CDH13: variants seen among roughly 807,000 people sequenced by gnomAD.
CDH13 encodes the protein cadherin 13.
A neutral mutation model predicts 63.8 loss-of-function variants in CDH13; 24 were observed. The observed-to-expected ratio is 0.38, with a 90% CI of 0.27 to 0.53. The LOEUF (loss-of-function observed/expected upper bound fraction) is 0.53. Ranked by LOEUF, CDH13 falls within the 20% of genes least tolerant of loss-of-function variation. CDH13 has a pLI of 0.85. For missense variants in CDH13, 1,049 were observed against 903.1 expected (o/e 1.16, Z -2.07); for synonymous variants, 503 against 355.3 (o/e 1.42, Z -4.67).
At chr16:83,308,717 C>G (rs919423940) in intron 5 of CDH13, among the ~76,000 whole-genome samples, 3 of 152,154 alleles carry the variant, frequency 2.0e-5, no homozygotes, top group Admixed American at 2.0e-4. Flanking sequence ...TGGAAGGCTC[C>G]CCTCACCGCC....
At chr16:83,004,773 G>A (rs905410523) in intron 2 of CDH13, among the ~76,000 whole-genome samples, 1 of 152,174 alleles carries the variant, frequency 6.6e-6, no homozygotes, top group Non-Finnish European at 1.5e-5. Context: ...GATTACAGGA[G>A]TGAGCTACTG....
chr16:83,797,934 C>T lies in CDH13; in HGVS notation c.*2904C>T, dbSNP rs1000368893. On this transcript the variant is annotated 3_prime_UTR_variant, in exon 14 of 14. Transcript: ENST00000567109. ...CACATTTTCTAATTTCAATAAAAGT[C>T]ACCTTCAATACCGCCAGTTCTCTCC... The T allele has an allele frequency of 6.6e-6, 1 of 152,140 alleles. No homozygotes were observed. Among genetic ancestry groups the T allele is most frequent in the Non-Finnish European group, 1.5e-5 (1 of 68,028 alleles). 9.4% of individuals were successfully genotyped at this position (152,140 alleles called of 1,614,324 possible).
chr16:82,789,407 C>G (rs2036178801), intron 1 of CDH13, among the ~76,000 whole-genome samples: 1 of 152,196 alleles, frequency 6.6e-6, no homozygotes, highest in Non-Finnish European at 1.5e-5. Flanking sequence ...TGATACACAG[C>G]TCACCTTTGA....
intron 1 of CDH13, among the ~76,000 whole-genome samples, chr16:82,849,308 C>G (rs1356335575): frequency 1.3e-5 from 2 of 152,134 alleles, no homozygotes; most frequent in South Asian, 2.1e-4. Flanking sequence ...GCAACACCAT[C>G]CTGGTCAACA....
intron 8 of CDH13, among the ~76,000 whole-genome samples, chr16:83,666,047 G>A (rs896063090): frequency 2.0e-5 from 3 of 152,104 alleles, no homozygotes; most frequent in African/African-American, 4.8e-5. Flanking sequence ...GTAAAAATAC[G>A]TTTTATATCT....
At chr16:82,860,186 C>G (rs573791206) in intron 2 of CDH13, among the ~76,000 whole-genome samples, 3 of 151,976 alleles carry the variant, frequency 2.0e-5, no homozygotes, top group Admixed American at 6.5e-5. Context: ...CTTGGAAATG[C>G]GAAGCGACCC....
At chr16:82,921,676 A>G (rs2042159532) in intron 2 of CDH13, among the ~76,000 whole-genome samples, 1 of 152,104 alleles carries the variant, frequency 6.6e-6, no homozygotes, top group Non-Finnish European at 1.5e-5. Flanking sequence ...TTTTGTTTTT[A>G]TATTCCTGAG....
intron 10 of CDH13, chr16:83,735,320 G>A (rs772275317): frequency 2.3e-4 from 35 of 152,120 alleles, no homozygotes; most frequent in Non-Finnish European, 4.3e-4. Context: ...TCACTCTTTC[G>A]AAGCAGTTGT....
At chr16:83,748,906 C>G (rs1011937695) in intron 11 of CDH13, among the ~76,000 whole-genome samples, 5 of 152,158 alleles carry the variant, frequency 3.3e-5, no homozygotes, top group African/African-American at 1.2e-4. Flanking sequence ...CTGTAGGGCA[C>G]AAGGGCAGAA....
Position 83,709,441 on chromosome 16 carries a change from A to G in CDH13, c.1538+30980A>G, listed in dbSNP as rs183147773. Among the ~76,000 whole-genome samples, 28 of 152,296 alleles carry G rather than the reference A, an allele frequency of 1.8e-4. No individual in the cohort carries two copies. In the East Asian group the frequency reaches 5.4e-3, roughly 29 times the overall value. On this transcript the variant is annotated intron_variant, in intron 10 of 13. Coordinates refer to ENST00000567109, the MANE Select transcript of CDH13 (RefSeq NM_001257.5). ...GTCCATTCAGCATTCATCCATGCACACCCCAAGTTTTCCACTCTAGGGGTG... is the reference window on the plus strand; with the variant it reads ...GTCCATTCAGCATTCATCCATGCACGCCCCAAGTTTTCCACTCTAGGGGTG...
rs190312972 is a variant in CDH13 at position 83,136,309 on chromosome 16, C to A, written c.483+10808C>A. On this transcript the variant is annotated intron_variant, in intron 4 of 13. Coordinates refer to ENST00000567109, the MANE Select transcript of CDH13 (RefSeq NM_001257.5). ...CCATCCTGGCTAACATGGTGAAACCCTGTCTCTACTAAAAAATACAACAAA... is the reference window on the plus strand; with the variant it reads ...CCATCCTGGCTAACATGGTGAAACCATGTCTCTACTAAAAAATACAACAAA... 5.1e-3 allele frequency among the ~76,000 whole-genome samples: 778 copies of A among 151,882 alleles called. 5 individuals carry two copies. Among genetic ancestry groups the A allele is most frequent in the South Asian group, 0.013 (60 of 4,794 alleles).
chr16:83,235,684 C>G (rs2040124517), intron 5 of CDH13, among the ~76,000 whole-genome samples: 1 of 149,056 alleles, frequency 6.7e-6, no homozygotes, highest in Admixed American at 6.7e-5. Context: ...ACCTTAAGAT[C>G]TAGGTAATTT....
At chr16:82,857,484 A>C (rs12933503) in intron 1 of CDH13, among the ~76,000 whole-genome samples, 81,347 of 151,980 alleles carry the variant, frequency 0.54, 22,058 homozygotes, top group East Asian at 0.77. Flanking sequence ...CCTTAAGACC[A>C]TTTCTTATTT....
At chr16:82,707,292 CAA>C (rs1738075502) in intron 1 of CDH13, among the ~76,000 whole-genome samples, 1 of 152,152 alleles carries the variant, frequency 6.6e-6, no homozygotes, top group Admixed American at 6.5e-5. Context: ...ATGGAGATTT[CAA>C]AGAGAAGGGA....
At chr16:83,222,842 A>G (rs1242124727) in intron 5 of CDH13, among the ~76,000 whole-genome samples, 1 of 152,170 alleles carries the variant, frequency 6.6e-6, no homozygotes, top group African/African-American at 2.4e-5. Flanking sequence ...GGAAATACCC[A>G]CATATGAAAC....
At chr16:83,321,411 G>A (rs933566277) in intron 5 of CDH13, among the ~76,000 whole-genome samples, 6 of 151,968 alleles carry the variant, frequency 3.9e-5, no homozygotes, top group African/African-American at 1.5e-4. Context: ...AAGTTGGCGC[G>A]GCCTCTATGT....
chr16:83,454,536 G>C (rs1400214432), intron 6 of CDH13, among the ~76,000 whole-genome samples: 1 of 152,048 alleles, frequency 6.6e-6, no homozygotes, highest in Non-Finnish European at 1.5e-5. Context: ...CCAGATTGCT[G>C]TATGGTCCTT....
At chr16:83,609,288 C>T (rs1270950892) in intron 8 of CDH13, among the ~76,000 whole-genome samples, 1 of 152,030 alleles carries the variant, frequency 6.6e-6, no homozygotes, top group Non-Finnish European at 1.5e-5. Flanking sequence ...TTATATGTGG[C>T]CCAAGACAAT....
At chr16:82,909,927 C>G (rs949224192) in intron 2 of CDH13, among the ~76,000 whole-genome samples, 3 of 152,274 alleles carry the variant, frequency 2.0e-5, no homozygotes, top group Non-Finnish European at 2.9e-5. Context: ...TGGTCCTTTT[C>G]TGCTTCCTGG....
Sources: gnomAD v4.1 joint callset for allele counts (sites outside exome capture counted in the v4.1 genomes callset) on GRCh38, gnomAD v4.1.1 for gene constraint, MANE v1.5 for transcripts, NCBI Gene and HGNC (gene_info 2026-07-23, HGNC 2026-07-21) for gene names.